OPCML: variants seen among roughly 807,000 people sequenced by gnomAD.
The protein encoded by OPCML is opioid binding protein/cell adhesion molecule like, also known as opioid-binding protein/cell adhesion molecule.
OPCML carries 13 observed loss-of-function variants against 37.8 expected under a neutral mutation model. The ratio of observed to expected loss-of-function variants is 0.34; its 90% CI spans 0.22 to 0.55. OPCML has a LOEUF of 0.55. Ranked by LOEUF, OPCML falls within the 20% of genes least tolerant of loss-of-function variation. The pLI is 0.91. For missense variants in OPCML, 341 were observed against 435.6 expected (o/e 0.78, Z 1.93); for synonymous variants, 176 against 168.8 (o/e 1.04, Z -0.33).
intron 2 of OPCML, among the ~76,000 whole-genome samples, chr11:132,720,107 G>A (rs546441977): frequency 3.3e-5 from 5 of 152,326 alleles, no homozygotes; most frequent in African/African-American, 1.2e-4. Context: ...ACAAATAAAT[G>A]AATGAGCCCT....
At chr11:132,482,451 C>T (rs1460193334) in intron 4 of OPCML, among the ~76,000 whole-genome samples, 1 of 151,944 alleles carries the variant, frequency 6.6e-6, no homozygotes, top group African/African-American at 2.4e-5. Flanking sequence ...CAAAAAGAGT[C>T]CAGGACCAGA....
intron 1 of OPCML, among the ~76,000 whole-genome samples, chr11:133,350,787 C>A (rs376850225): frequency 6.6e-6 from 1 of 152,182 alleles, no homozygotes; most frequent in Non-Finnish European, 1.5e-5. Flanking sequence ...ACTAGGCATA[C>A]ACACTTGATG....
At chr11:132,518,949 T>C (rs551750569) in intron 4 of OPCML, among the ~76,000 whole-genome samples, 1 of 152,290 alleles carries the variant, frequency 6.6e-6, no homozygotes, top group African/African-American at 2.4e-5. Flanking sequence ...TACATTTAAG[T>C]TAGTTGGGTT....
At chr11:133,074,914 C>T (rs1262643789) in intron 1 of OPCML, among the ~76,000 whole-genome samples, 7 of 152,146 alleles carry the variant, frequency 4.6e-5, no homozygotes. Flanking sequence ...AATAACCATG[C>T]ACAGAATGAC....
chr11:132,528,222 T>C (rs1459723325), intron 4 of OPCML, among the ~76,000 whole-genome samples: 1 of 152,248 alleles, frequency 6.6e-6, no homozygotes, highest in African/African-American at 2.4e-5. Context: ...AGATTTACTC[T>C]TAAACTTTCT....
intron 1 of OPCML, among the ~76,000 whole-genome samples, chr11:133,138,862 T>A (rs1949729763): frequency 6.6e-6 from 1 of 152,208 alleles, no homozygotes; most frequent in Admixed American, 6.5e-5. Flanking sequence ...TCCTAAGCAT[T>A]GCCCGGAATG....
At chr11:132,965,175 G>A (rs148829092) in intron 1 of OPCML, among the ~76,000 whole-genome samples, 76 of 152,258 alleles carry the variant, frequency 5.0e-4, no homozygotes, top group African/African-American at 1.5e-3. Context: ...AAGTTTATTC[G>A]TCCTCGCCAG....
chr11:132,598,041 A>C (rs1277348299), intron 3 of OPCML, among the ~76,000 whole-genome samples: 1 of 152,130 alleles, frequency 6.6e-6, no homozygotes. Context: ...TTGCTCCAGC[A>C]ACCCTCGCTC....
chr11:132,684,484 C>T (rs1268667492), intron 2 of OPCML, among the ~76,000 whole-genome samples: 2 of 152,140 alleles, frequency 1.3e-5, no homozygotes, highest in Non-Finnish European at 2.9e-5. Context: ...CGTATTAAGC[C>T]ATTTCCACAG....
chr11:133,003,658 A>G (rs1333790843), intron 1 of OPCML: 1 of 985,162 alleles, frequency 1.0e-6, no homozygotes, highest in African/African-American at 1.7e-5. Context: ...GGAACATACT[A>G]AAAAAACAAA....
At chr11:133,213,387 A>G (rs1404072595) in intron 1 of OPCML, among the ~76,000 whole-genome samples, 1 of 152,330 alleles carries the variant, frequency 6.6e-6, no homozygotes, top group East Asian at 1.9e-4. Flanking sequence ...CATAATGAAC[A>G]TCTAATGTAG....
intron 1 of OPCML, chr11:133,005,160 C>T (rs11223319): frequency 0.28 from 271,685 of 984,970 alleles, 38,853 homozygotes; most frequent in African/African-American, 0.46. Context: ...CACCACTGAC[C>T]CTCCACCCAA....
chr11:133,049,823 A>G (rs893338104), intron 1 of OPCML, among the ~76,000 whole-genome samples: 1 of 152,170 alleles, frequency 6.6e-6, no homozygotes, highest in African/African-American at 2.4e-5. Flanking sequence ...CAGAATCCAC[A>G]TTCTAGTGTA....
intron 1 of OPCML, among the ~76,000 whole-genome samples, chr11:133,037,030 C>A (rs545166164): frequency 2.0e-5 from 3 of 152,298 alleles, no homozygotes; most frequent in East Asian, 3.9e-4. Flanking sequence ...GCTCAGATGA[C>A]AAAGGGCTCT....
chr11:132,890,735 T>A (rs1464648837), intron 2 of OPCML, among the ~76,000 whole-genome samples: 1 of 147,006 alleles, frequency 6.8e-6, no homozygotes, highest in Non-Finnish European at 1.5e-5. Flanking sequence ...TGGGCGCCTG[T>A]AGTCCCAGCT....
intron 1 of OPCML, among the ~76,000 whole-genome samples, chr11:133,236,416 C>T (rs537533226): frequency 6.6e-6 from 1 of 152,186 alleles, no homozygotes; most frequent in Non-Finnish European, 1.5e-5. Context: ...CACAATTGAC[C>T]ATGAGTATCC....
intron 3 of OPCML, among the ~76,000 whole-genome samples, chr11:132,551,467 G>A (rs1391370143): frequency 6.6e-6 from 1 of 152,160 alleles, no homozygotes; most frequent in East Asian, 1.9e-4. Flanking sequence ...TGCCTTTGTA[G>A]TACTAACAAA....
chr11:133,420,634 G>T, intron 1 of OPCML: 3 of 985,304 alleles, frequency 3.0e-6, no homozygotes, highest in Non-Finnish European at 3.6e-6. Flanking sequence ...GGGATTAAGG[G>T]TATGGAGGCT....
At chr11:132,709,487 T>G (rs1158727995) in intron 2 of OPCML, among the ~76,000 whole-genome samples, 1 of 152,188 alleles carries the variant, frequency 6.6e-6, no homozygotes, top group East Asian at 1.9e-4. Flanking sequence ...ATCCACCATC[T>G]CACAGTGCAT....
Sources: gnomAD v4.1 joint callset for allele counts (sites outside exome capture counted in the v4.1 genomes callset) on GRCh38, gnomAD v4.1.1 for gene constraint, MANE v1.5 for transcripts, NCBI Gene and HGNC (gene_info 2026-07-23, HGNC 2026-07-21) for gene names.